The following S100P variants were observed in gnomAD, a reference collection of about 807,000 sequenced individuals.
S100P encodes the protein S100 calcium binding protein P, also known as protein S100-P.
A neutral mutation model predicts 4.7 loss-of-function variants in S100P; 7 were observed. That is an observed-to-expected ratio of 1.48 (90% CI 0.84 to 2.77). The LOEUF (loss-of-function observed/expected upper bound fraction) is 2.77, where lower values mean the gene tolerates loss of function less well. S100P is among the 30% of genes most tolerant of loss of function. S100P has a pLI of 0.00. For synonymous variants in S100P, 48 were observed against 49.0 expected, an observed-to-expected ratio of 0.98 and a Z score of 0.08; for missense variants, 122 against 120.6, an observed-to-expected ratio of 1.01 and a Z score of -0.06.
Position 6,697,117 on chromosome 4 carries a change from C to G in S100P, c.*75C>G. The G allele has an allele frequency of 7.9e-7, 1 of 1,259,136 alleles. No homozygotes were observed. Among genetic ancestry groups the G allele is most frequent in the Middle Eastern group, 2.1e-4 (1 of 4,758 alleles). The allele number at this position is 1,259,136 out of a possible 1,614,324, so 78.0% of individuals were successfully genotyped here. ...CCAAAAGTGTTTGTTGGCAATTATT[C>G]CCCTAGGCTGAGCCTGCTCATGTAC... On this transcript the variant is annotated 3_prime_UTR_variant, in exon 2 of 2. Coordinates refer to ENST00000296370, the MANE Select transcript of S100P (RefSeq NM_005980.3).
At chr4:6,694,883 A>C (rs1714329839) in intron 1 of S100P, among the ~76,000 whole-genome samples, 1 of 152,168 alleles carries the variant, frequency 6.6e-6, no homozygotes, top group African/African-American at 2.4e-5. Flanking sequence ...GATAATCAAA[A>C]ATGAAAGCCT....
chr4:6,694,820 C>T (rs530087509), intron 1 of S100P, among the ~76,000 whole-genome samples: 3 of 152,208 alleles, frequency 2.0e-5, no homozygotes, highest in East Asian at 1.9e-4. Flanking sequence ...CCCTCCCCTT[C>T]GGGCCCCACC....
intron 1 of S100P, among the ~76,000 whole-genome samples, chr4:6,695,417 A>G (rs1298813130): frequency 1.3e-5 from 2 of 152,224 alleles, no homozygotes; most frequent in African/African-American, 2.4e-5. Context: ...TTTTCCCCAT[A>G]TGAACATTGC....
chr4:6,693,954 A>G lies in S100P; in HGVS notation c.22A>G (p.Met8Val). 3 of 1,614,174 alleles carry G rather than the reference A, an allele frequency of 1.9e-6. No homozygotes were observed. The highest frequency in any genetic ancestry group is 2.5e-6 in the Non-Finnish European group (3 of 1,180,024). ...CACCATGACGGAACTAGAGACAGCCATGGGCATGATCATAGACGTCTTTTC... is the reference window on the plus strand; with the variant it reads ...CACCATGACGGAACTAGAGACAGCCGTGGGCATGATCATAGACGTCTTTTC... MTELETA[M>V]GMIIDVFSRY... Residue 8 changes from methionine to valine, a missense_variant, in exon 1 of 2, where the codon ATG becomes GTG. Transcript: ENST00000296370.
chr4:6,695,548 CG>C (rs1714352558), intron 1 of S100P, among the ~76,000 whole-genome samples: 1 of 152,142 alleles, frequency 6.6e-6, no homozygotes, highest in South Asian at 2.1e-4. Flanking sequence ...GCTTGGGGCT[CG>C]GGGTGTTCTG....
chr4:6,694,729 A>G (rs1446488415), intron 1 of S100P, among the ~76,000 whole-genome samples: 1 of 152,062 alleles, frequency 6.6e-6, no homozygotes, highest in African/African-American at 2.4e-5. Context: ...GCTGAACAGA[A>G]GCCGTACCCT....
In S100P at chr4:6,696,940, C is replaced by A. The variant is rs11734898; in HGVS notation, c.186C>A (p.Asp62Glu). 2 of 1,613,926 alleles carry A rather than the reference C, an allele frequency of 1.2e-6. No individual in the cohort carries two copies. The highest frequency in any genetic ancestry group is 1.7e-5 in the Admixed American group (1 of 60,026). ...TGGATAAATTGCTCAAGGACCTGGACGCCAATGGAGATGCCCAGGTGGACT... is the reference window on the plus strand; with the variant it reads ...TGGATAAATTGCTCAAGGACCTGGAAGCCAATGGAGATGCCCAGGTGGACT... ...DAVDKLLKDLDANGDAQVDFS... is the reference protein window; with the variant it reads ...DAVDKLLKDLEANGDAQVDFS... Residue 62 changes from aspartate to glutamate, a missense_variant, in exon 2 of 2, where the codon GAC (aspartate) becomes GAA (glutamate). By Grantham distance (45) the Asp-to-Glu change is conservative (BLOSUM62 2). Transcript: ENST00000296370.
At chr4:6,694,205 C>G (rs1299911946) in intron 1 of S100P, 135 bp downstream of exon 1, 1 of 859,032 alleles carries the variant, frequency 1.2e-6, no homozygotes, top group African/African-American at 1.7e-5. Context: ...TCCTGAAATG[C>G]CCTGGAAGCC....
At chr4:6,696,832 T>C (rs955047075) in intron 1 of S100P, 61 bp from the exon 2 acceptor site, 1 of 1,523,474 alleles carries the variant, frequency 6.6e-7, no homozygotes, top group Non-Finnish European at 8.9e-7. Context: ...CAGTGCTTGG[T>C]GGAGGCTGAG....
At chr4:6,694,306 C>G (rs1489899757) in intron 1 of S100P, among the ~76,000 whole-genome samples, 1 of 152,372 alleles carries the variant, frequency 6.6e-6, no homozygotes, top group East Asian at 1.9e-4. Flanking sequence ...ATCCTTGAAA[C>G]ATGGGGTTGA....
intron 1 of S100P, among the ~76,000 whole-genome samples, chr4:6,694,973 T>C (rs938555624): frequency 6.6e-6 from 1 of 151,508 alleles, no homozygotes; most frequent in Non-Finnish European, 1.5e-5. Flanking sequence ...TTTTCTTTTT[T>C]TTTTTTTTTG....
intron 1 of S100P, 150 bp downstream of exon 1, chr4:6,694,220 C>A (rs1714315282): frequency 2.6e-6 from 2 of 772,174 alleles, no homozygotes; most frequent in Non-Finnish European, 4.1e-6. Flanking sequence ...GAAGCCCAGC[C>A]AAGGAACGGA....
intron 1 of S100P, among the ~76,000 whole-genome samples, chr4:6,694,606 G>A (rs1714322472): frequency 6.6e-6 from 1 of 152,182 alleles, no homozygotes; most frequent in Non-Finnish European, 1.5e-5. Flanking sequence ...GCGCAGAGCT[G>A]TGGACCTCCC....
chr4:6,696,648 C>A (rs116177785), intron 1 of S100P, among the ~76,000 whole-genome samples: 2 of 152,276 alleles, frequency 1.3e-5, no homozygotes, highest in African/African-American at 4.8e-5. Flanking sequence ...TCTCGCAGAG[C>A]ACAATTCCAA....
Position 6,696,971 on chromosome 4 carries a change from G to C in S100P, c.217G>C (p.Glu73Gln), listed in dbSNP as rs542245947. The C allele has an allele frequency of 1.8e-5, 29 of 1,613,904 alleles. No individual in the cohort carries two copies. Among genetic ancestry groups the C allele is most frequent in the Non-Finnish European group, 2.4e-5 (28 of 1,179,754 alleles). Residue 73 changes from glutamate to glutamine, a missense_variant, in exon 2 of 2, where the codon GAG becomes CAG. Coordinates refer to ENST00000296370, the MANE Select transcript of S100P (RefSeq NM_005980.3). ...TGGAGATGCCCAGGTGGACTTCAGT[G>C]AGTTCATAGTGTTCGTGGCTGCAAT... ...ANGDAQVDFS[E>Q]FIVFVAAITS... is the part of the protein sequence containing the mutation.
chr4:6,696,583 A>C (rs1714376764), intron 1 of S100P, among the ~76,000 whole-genome samples: 1 of 152,262 alleles, frequency 6.6e-6, no homozygotes, highest in African/African-American at 2.4e-5. Context: ...CATCACTGTA[A>C]AGCACTTTAC....
In S100P at chr4:6,695,578, G is replaced by GA. The variant is rs1256391901; in HGVS notation, c.139-1313dup. On this transcript the variant is annotated intron_variant, in intron 1 of 1. Coordinates refer to ENST00000296370, the MANE Select transcript of S100P (RefSeq NM_005980.3). ...TGTTCTGATAATGATCAAAGTATGAGAATTGAACCCATGAGGACTTTGATC... is the reference window on the plus strand; with the variant it reads ...TGTTCTGATAATGATCAAAGTATGAGAAATTGAACCCATGAGGACTTTGATC... 3.9e-5 allele frequency among the ~76,000 whole-genome samples: 6 copies of GA among 152,342 alleles called. No individual in the cohort carries two copies. In the East Asian group the frequency reaches 1.2e-3, roughly 29 times the overall value.
rs769098677 is a variant in S100P, at chr4:6,693,887, C to T, written c.-46C>T. ...AGAGGCTGCCAGTGGGACATTTTCTCGGCCCTGCCAGCCCCCAGGAGGAAG... is the reference window on the plus strand; with the variant it reads ...AGAGGCTGCCAGTGGGACATTTTCTTGGCCCTGCCAGCCCCCAGGAGGAAG... On this transcript the variant is annotated 5_prime_UTR_variant, in exon 1 of 2. Transcript: ENST00000296370. 10 of 1,612,334 alleles carry T rather than the reference C, an allele frequency of 6.2e-6. No individual in the cohort carries two copies. Among genetic ancestry groups the T allele is most frequent in the Middle Eastern group, 1.6e-4 (1 of 6,082 alleles).
intron 1 of S100P, among the ~76,000 whole-genome samples, chr4:6,695,488 C>A (rs1714350877): frequency 6.6e-6 from 1 of 152,172 alleles, no homozygotes; most frequent in Non-Finnish European, 1.5e-5. Flanking sequence ...AACATAAATT[C>A]TCAAACTCTG....
Sources: allele counts gnomAD v4.1 joint callset (sites outside exome capture counted in the v4.1 genomes callset), GRCh38; gene constraint gnomAD v4.1.1; transcripts MANE v1.5; gene names NCBI Gene and HGNC (gene_info 2026-07-23, HGNC 2026-07-21).